Variants in TPH2 observed in about 807,000 individuals in gnomAD.
TPH2 encodes tryptophan 5-hydroxylase 2.
Under a neutral mutation model 59.1 loss-of-function variants are expected in TPH2, and 27 were observed. That is an observed-to-expected ratio of 0.46 (90% CI 0.34 to 0.63). TPH2 has a LOEUF of 0.63. Ranked by LOEUF, TPH2 falls within the 30% of genes least tolerant of loss-of-function variation. The probability of loss-of-function intolerance (pLI) is 0.01; values close to 1 mark genes in which losing one functional copy is unlikely to be tolerated. For missense variants in TPH2, 523 were observed against 588.3 expected, an observed-to-expected ratio of 0.89 and a Z score of 1.15; for synonymous variants, 220 against 210.5, an observed-to-expected ratio of 1.05 and a Z score of -0.39.
intron 9 of TPH2, among the ~76,000 whole-genome samples, chr12:72,023,821 G>GAAAAAAAAA (rs767208238): frequency 7.2e-5 from 2 of 27,948 alleles, no homozygotes. Flanking sequence ...GACTCTGACA[G>GAAAAAAAAA]AAAAAAAAAA....
intron 5 of TPH2, among the ~76,000 whole-genome samples, chr12:71,954,874 T>C (rs1871451564): frequency 1.3e-5 from 2 of 152,146 alleles, no homozygotes; most frequent in Admixed American, 6.6e-5. Context: ...TTTCAATCCA[T>C]CTTATTCTCT....
chr12:71,944,698 G>A lies in TPH2; in HGVS notation c.540+12G>A, dbSNP rs778711507. The A allele has an allele frequency of 2.5e-6, 4 of 1,612,028 alleles. No individual in the cohort carries two copies. Among genetic ancestry groups the A allele is most frequent in the Admixed American group, 1.7e-5 (1 of 59,964 alleles). On this transcript the variant is annotated intron_variant, in intron 4 of 10. Transcript: ENST00000333850. ...ATGCTGACCACCCAGTAAGTGTCCA[G>A]TAAAATCTATTTCTCACATGCTCTT... is the stretch of plus-strand genomic sequence containing the variant.
In TPH2 at chr12:72,031,258, C is replaced by G. The variant is rs1873714009; in HGVS notation, c.1165C>G (p.His389Asp). Reference sequence around the variant, plus strand: ...ACAGGTTTTGTGGTATATTTTGCAGCACGCCCTTTCTGACAAGGCATGTGT... The same window carrying G: ...ACAGGTTTTGTGGTATATTTTGCAGGACGCCCTTTCTGACAAGGCATGTGT... The part of the protein sequence containing the change: ...GLLSSIGELK[H>D]ALSDKACVKA... Residue 389 changes from histidine (H) to aspartate (D), a missense_variant and splice_region_variant, in exon 10 of 11, where the codon CAC becomes GAC. Coordinates refer to ENST00000333850, the MANE Select transcript of TPH2 (RefSeq NM_173353.4). 6.2e-7 allele frequency: 1 copy of G among 1,613,334 alleles called. No individual in the cohort carries two copies. The highest frequency in any genetic ancestry group is 1.3e-5 in the African/African-American group (1 of 74,968).
At chr12:72,013,197 A>G (rs1463553898) in intron 8 of TPH2, among the ~76,000 whole-genome samples, 4 of 152,168 alleles carry the variant, frequency 2.6e-5, no homozygotes, top group African/African-American at 7.2e-5. Context: ...TTACATTTTA[A>G]TTCATTCGAT....
intron 7 of TPH2, 151 bp downstream of exon 7, chr12:71,979,238 C>A: frequency 8.1e-7 from 1 of 1,236,746 alleles, no homozygotes; most frequent in Non-Finnish European, 1.2e-6. Flanking sequence ...AAAGGGCTCA[C>A]TGAAGGATCA....
chr12:72,017,552 T>C (rs1374716539), intron 8 of TPH2, among the ~76,000 whole-genome samples: 1 of 152,210 alleles, frequency 6.6e-6, no homozygotes, highest in East Asian at 1.9e-4. Context: ...TACCCTTCAA[T>C]TTGGGAGGTG....
At chr12:71,943,037 A>G (rs919251129) in intron 2 of TPH2, among the ~76,000 whole-genome samples, 1 of 152,168 alleles carries the variant, frequency 6.6e-6, no homozygotes, top group African/African-American at 2.4e-5. Context: ...CCCTAAAAAC[A>G]TCTACTCTGC....
intron 8 of TPH2, among the ~76,000 whole-genome samples, chr12:72,005,048 T>C (rs1301546305): frequency 6.6e-6 from 1 of 152,184 alleles, no homozygotes; most frequent in East Asian, 1.9e-4. Flanking sequence ...TTTATATGCT[T>C]GCCACTGTAA....
chr12:71,952,834 A>C (rs551509898), intron 5 of TPH2, among the ~76,000 whole-genome samples: 1 of 152,316 alleles, frequency 6.6e-6, no homozygotes, highest in South Asian at 2.1e-4. Context: ...CAGAGAATGC[A>C]TGTGCTGTAC....
chr12:72,020,002 T>G (rs1277407510), intron 8 of TPH2, among the ~76,000 whole-genome samples: 1 of 152,238 alleles, frequency 6.6e-6, no homozygotes, highest in East Asian at 1.9e-4. Flanking sequence ...TTAGAGATCA[T>G]TAATTCATTT....
chr12:71,989,180 G>A (rs1592400554), intron 7 of TPH2, among the ~76,000 whole-genome samples: 1 of 150,300 alleles, frequency 6.7e-6, no homozygotes, highest in East Asian at 2.0e-4. Flanking sequence ...CATAAGAATT[G>A]CCTAAAATCT....
chr12:71,992,817 A>G (rs1255117643), intron 7 of TPH2, among the ~76,000 whole-genome samples: 2 of 152,240 alleles, frequency 1.3e-5, no homozygotes, highest in African/African-American at 4.8e-5. Flanking sequence ...GTAGGAGCTC[A>G]GTATATTCTC....
At chr12:71,979,956 A>G (rs2139209270) in intron 7 of TPH2, among the ~76,000 whole-genome samples, 1 of 27,708 alleles carries the variant, frequency 3.6e-5, no homozygotes, top group South Asian at 9.2e-4. Context: ...GTTAGCATAC[A>G]GACAGACAGA....
intron 9 of TPH2, among the ~76,000 whole-genome samples, chr12:72,022,727 A>G (rs1487325053): frequency 6.6e-6 from 1 of 152,242 alleles, no homozygotes; most frequent in Non-Finnish European, 1.5e-5. Context: ...ACGTGTACAA[A>G]TCAACAGCAA....
chr12:71,956,246 T>A (rs7955501), intron 5 of TPH2, among the ~76,000 whole-genome samples: 88,682 of 152,026 alleles, frequency 0.58, 26,144 homozygotes, highest in South Asian at 0.66. Flanking sequence ...GCATTGGAAG[T>A]GACACACCAT....
chr12:71,939,202 CCTT>C, intron 1 of TPH2, 111 bp downstream of exon 1: 4 of 809,324 alleles, frequency 4.9e-6, no homozygotes, highest in South Asian at 4.3e-5. Context: ...TCAAATTTCT[CCTT>C]CTTTATAATC....
At chr12:71,973,882 C>G (rs931104897) in intron 6 of TPH2, among the ~76,000 whole-genome samples, 2 of 152,046 alleles carry the variant, frequency 1.3e-5, no homozygotes, top group African/African-American at 4.8e-5. Context: ...CCCAATGAAT[C>G]ATACAGTGAC....
rs1870976184 is a variant in TPH2 at position 71,938,966 on chromosome 12, A to AAG, written c.-19_-18dup. Reference sequence around the variant, plus strand: ...CCTCTAGTACCCCCTGCTGCAGAGAAAGAATATTACACCGGGATCCATGCA... The same window carrying AAG: ...CCTCTAGTACCCCCTGCTGCAGAGAAAGAGAATATTACACCGGGATCCATGCA... On this transcript the variant is annotated 5_prime_UTR_variant, in exon 1 of 11. Transcript: ENST00000333850. 7 of 1,602,892 alleles carry AAG rather than the reference A, an allele frequency of 4.4e-6. No homozygotes were observed. In the East Asian group the frequency reaches 1.6e-4, roughly 36 times the overall value.
At chr12:72,028,377 A>G (rs960585769) in intron 9 of TPH2, among the ~76,000 whole-genome samples, 2 of 152,176 alleles carry the variant, frequency 1.3e-5, no homozygotes, top group Non-Finnish European at 2.9e-5. Context: ...AGGGGCTTAG[A>G]GAGAGACCTG....
Sources: gnomAD v4.1 joint callset for allele counts (sites outside exome capture counted in the v4.1 genomes callset) on GRCh38, gnomAD v4.1.1 for gene constraint, MANE v1.5 for transcripts, NCBI Gene and HGNC (gene_info 2026-07-23, HGNC 2026-07-21) for gene names.